FRY: variants seen among roughly 807,000 people sequenced by gnomAD.
The protein encoded by FRY is protein furry homolog.
A neutral mutation model predicts 348.4 loss-of-function variants in FRY; 128 were observed. The observed-to-expected ratio is 0.37, with a 90% CI of 0.32 to 0.43. The LOEUF (loss-of-function observed/expected upper bound fraction) is 0.43. Among genes scored for constraint, FRY ranks in the 20% least tolerant of loss-of-function variants. FRY has a pLI of 1.00. For synonymous variants in FRY, 1,370 were observed against 1,374.7 expected (o/e 1.00, Z 0.08); for missense variants, 2,736 against 3,695.2 (o/e 0.74, Z 6.73).
intron 55 of FRY, among the ~76,000 whole-genome samples, chr13:32,274,573 A>G (rs9534029): frequency 0.29 from 43,697 of 150,620 alleles, 6,797 homozygotes; most frequent in East Asian, 0.34. Flanking sequence ...GCGTGGTGGC[A>G]GGCACCTGTA....
intron 39 of FRY, among the ~76,000 whole-genome samples, chr13:32,227,975 C>T (rs1029094738): frequency 7.9e-5 from 12 of 152,168 alleles, no homozygotes; most frequent in Non-Finnish European, 7.3e-5. Context: ...TGGTCTCGAT[C>T]TCCTGACCTT....
At chr13:32,214,822 C>T (rs1884891659) in intron 35 of FRY, among the ~76,000 whole-genome samples, 1 of 152,190 alleles carries the variant, frequency 6.6e-6, no homozygotes, top group African/African-American at 2.4e-5. Context: ...TGTGTTAACA[C>T]ACCTCAGGAG....
chr13:32,238,107 A>G (rs1886310823), intron 44 of FRY, 121 bp downstream of exon 44: 1 of 1,069,666 alleles, frequency 9.3e-7, no homozygotes, highest in Non-Finnish European at 1.4e-6. Context: ...GTTCCTTGGG[A>G]GTAGTTTATT....
chr13:32,215,280 A>T (rs1244443739), intron 35 of FRY, among the ~76,000 whole-genome samples: 1 of 152,252 alleles, frequency 6.6e-6, no homozygotes, highest in Non-Finnish European at 1.5e-5. Context: ...AAATAATTTG[A>T]ATGTTCCTAG....
chr13:32,108,905 C>T (rs1010012330), intron 3 of FRY, among the ~76,000 whole-genome samples: 25 of 152,136 alleles, frequency 1.6e-4, no homozygotes, highest in South Asian at 8.3e-4. Context: ...AGAGATCAGG[C>T]GGCAGAGGTA....
intron 1 of FRY, among the ~76,000 whole-genome samples, chr13:32,065,256 A>T (rs1874181457): frequency 6.6e-6 from 1 of 152,208 alleles, no homozygotes; most frequent in South Asian, 2.1e-4. Context: ...ACAGTTATCA[A>T]GATTTAGTCA....
rs377307713 is a variant in FRY, at chr13:32,249,618, T to G, written c.7101T>G (p.Ser2367=). The part of the protein sequence containing the change: ...PRAMAVTRST[S]STSSGSNSNV... ...CCATGGCCGTCACCCGGAGCACATC[T>G]TCCACTTCCTCAGGCTCCAACTCCA... is the stretch of plus-strand genomic sequence containing the variant. Residue 2367 remains serine (S), a synonymous_variant, in exon 49 of 61, where the codon TCT becomes TCG. Coordinates refer to ENST00000542859, the MANE Select transcript of FRY (RefSeq NM_023037.3). 13 of 1,614,116 alleles carry G rather than the reference T, an allele frequency of 8.1e-6. No individual in the cohort carries two copies. The African/African-American group carries it at 1.6e-4, about 20-fold the overall frequency.
chr13:32,128,026 C>G (rs2138740095), intron 7 of FRY, among the ~76,000 whole-genome samples: 1 of 151,968 alleles, frequency 6.6e-6, no homozygotes, highest in Admixed American at 6.6e-5. Context: ...AAATTAAAAC[C>G]ATAGTTATTT....
At chr13:32,044,373 G>A (rs553193861) in intron 1 of FRY, among the ~76,000 whole-genome samples, 4 of 152,220 alleles carry the variant, frequency 2.6e-5, no homozygotes, top group South Asian at 2.1e-4. Flanking sequence ...GCTAGGTATC[G>A]CAATGGTTAA....
At chr13:32,160,883 G>A (rs1360531708) in intron 16 of FRY, among the ~76,000 whole-genome samples, 1 of 152,124 alleles carries the variant, frequency 6.6e-6, no homozygotes, top group African/African-American at 2.4e-5. Context: ...CCCAACTAAA[G>A]GGCAAATTCA....
At chr13:32,246,757 GGAAT>G (rs1349574417) in intron 47 of FRY, among the ~76,000 whole-genome samples, 1 of 152,190 alleles carries the variant, frequency 6.6e-6, no homozygotes, top group Non-Finnish European at 1.5e-5. Flanking sequence ...AGTGCCAGCA[GGAAT>G]GCCGTGGAGG....
chr13:32,177,011 C>T (rs1353355475), intron 20 of FRY, among the ~76,000 whole-genome samples: 3 of 152,128 alleles, frequency 2.0e-5, no homozygotes, highest in Admixed American at 2.0e-4. Context: ...CAGCTCTGCC[C>T]CTTACAGCCT....
At chr13:32,047,880 A>C (rs1378101643) in intron 1 of FRY, among the ~76,000 whole-genome samples, 2 of 152,192 alleles carry the variant, frequency 1.3e-5, no homozygotes, top group African/African-American at 4.8e-5. Flanking sequence ...GCCCAGTTAC[A>C]GCATTTTCTG....
intron 2 of FRY, among the ~76,000 whole-genome samples, chr13:32,100,149 G>A (rs1245306265): frequency 6.8e-6 from 1 of 146,190 alleles, no homozygotes; most frequent in African/African-American, 2.5e-5. Context: ...TCTGTCACCA[G>A]GCTGGAGTGC....
At chr13:32,169,955 G>A (rs185656690) in intron 17 of FRY, among the ~76,000 whole-genome samples, 1 of 152,078 alleles carries the variant, frequency 6.6e-6, no homozygotes, top group African/African-American at 2.4e-5. Context: ...GACATTTTGG[G>A]CCAGAAAATT....
intron 50 of FRY, among the ~76,000 whole-genome samples, chr13:32,252,389 T>C (rs1204083584): frequency 4.6e-5 from 7 of 152,200 alleles, no homozygotes; most frequent in Admixed American, 4.6e-4. Context: ...AAAATAATGT[T>C]TCTTTGCATA....
chr13:32,292,260 G>C (rs994776317), intron 59 of FRY, among the ~76,000 whole-genome samples: 1 of 152,038 alleles, frequency 6.6e-6, no homozygotes, highest in Admixed American at 6.6e-5. Flanking sequence ...TGGGATTACA[G>C]GCATGAACCA....
chr13:32,295,698 T>C lies in FRY; in HGVS notation c.*238T>C. The C allele has an allele frequency of 1.7e-6, 1 of 582,346 alleles. No individual in the cohort carries two copies. Among genetic ancestry groups the C allele is most frequent in the Non-Finnish European group, 3.1e-6 (1 of 325,810 alleles). 36.1% of individuals were successfully genotyped at this position (582,346 alleles called of 1,614,324 possible). A position where few individuals can be genotyped will look rare whatever the true frequency, so the allele number is the denominator to read the frequency against. On this transcript the variant is annotated 3_prime_UTR_variant, in exon 61 of 61. Coordinates refer to ENST00000542859, the MANE Select transcript of FRY (RefSeq NM_023037.3). Reference sequence around the variant, plus strand: ...CTCATCATGCTGTGTGGCACAAATGTGTTACATTTGACCGAGCATATGCAA... The same window carrying C: ...CTCATCATGCTGTGTGGCACAAATGCGTTACATTTGACCGAGCATATGCAA...
At chr13:32,240,508 A>G (rs1334952319) in intron 46 of FRY, among the ~76,000 whole-genome samples, 1 of 152,218 alleles carries the variant, frequency 6.6e-6, no homozygotes, top group Non-Finnish European at 1.5e-5. Context: ...TAAAACTGGA[A>G]TGGTACTTTG....
Sources: gnomAD v4.1 joint callset for allele counts (sites outside exome capture counted in the v4.1 genomes callset) on GRCh38, gnomAD v4.1.1 for gene constraint, MANE v1.5 for transcripts, NCBI Gene and HGNC (gene_info 2026-07-23, HGNC 2026-07-21) for gene names.